Variants in CACNA1C observed in about 807,000 individuals in gnomAD.
CACNA1C encodes calcium voltage-gated channel subunit alpha1 C.
CACNA1C carries 30 observed loss-of-function variants against 229.0 expected under a neutral mutation model. That is an observed-to-expected ratio of 0.13 (90% CI 0.10 to 0.18). The LOEUF (loss-of-function observed/expected upper bound fraction) is 0.18, where lower values mean the gene tolerates loss of function less well. CACNA1C is among the 10% of genes least tolerant of loss of function. The probability of loss-of-function intolerance (pLI) is 1.00; values close to 1 mark genes in which losing one functional copy is unlikely to be tolerated. For missense variants in CACNA1C, 1,658 were observed against 2,845.0 expected, an observed-to-expected ratio of 0.58 and a Z score of 9.49; for synonymous variants, 1,114 against 1,132.5, an observed-to-expected ratio of 0.98 and a Z score of 0.33.
chr12:2,072,973 C>T (rs776202307), intron 1 of CACNA1C, among the ~76,000 whole-genome samples: 3 of 152,056 alleles, frequency 2.0e-5, no homozygotes, highest in African/African-American at 2.4e-5. Flanking sequence ...GTGATAGATA[C>T]GTTGATGAAT....
At chr12:2,230,549 CA>C (rs749054916) in intron 3 of CACNA1C, among the ~76,000 whole-genome samples, 11 of 152,222 alleles carry the variant, frequency 7.2e-5, no homozygotes, top group Non-Finnish European at 1.2e-4. Context: ...TGAGGTTACA[CA>C]GCACCCATCG....
chr12:2,276,014 C>T (rs546951565), intron 3 of CACNA1C, among the ~76,000 whole-genome samples: 1 of 152,152 alleles, frequency 6.6e-6, no homozygotes, highest in African/African-American at 2.4e-5. Flanking sequence ...TATGCACATA[C>T]TACACCATTT....
chr12:2,445,102 TC>T (rs2099265220), intron 3 of CACNA1C, among the ~76,000 whole-genome samples: 1 of 152,126 alleles, frequency 6.6e-6, no homozygotes, highest in African/African-American at 2.4e-5. Context: ...TGTCCATACT[TC>T]CCATCTTCTT....
chr12:2,593,093 C>A, intron 18 of CACNA1C, 120 bp from the exon 19 acceptor site: 4 of 1,125,598 alleles, frequency 3.6e-6, no homozygotes, highest in Non-Finnish European at 3.7e-6. Flanking sequence ...GAATGTCTGT[C>A]TTGGTTGGTA....
rs986495863 is a variant in CACNA1C at position 2,575,024 on chromosome 12, G to A, written c.1896-6566G>A. On this transcript the variant is annotated intron_variant, in intron 13 of 46. Transcript: ENST00000399655. The surrounding 1 kb of genome is among the most constrained non-coding windows in gnomAD (Gnocchi z 4.0). ...CTAGGTGACACTGAGTAGCCCCGTGGCCCAGAAGCTCAGAGAAGCATGCTG... is the reference window on the plus strand; with the variant it reads ...CTAGGTGACACTGAGTAGCCCCGTGACCCAGAAGCTCAGAGAAGCATGCTG... Among the ~76,000 whole-genome samples, 4 of 152,194 alleles carry A rather than the reference G, an allele frequency of 2.6e-5. No homozygotes were observed. The highest frequency in any genetic ancestry group is 9.7e-5 in the African/African-American group (4 of 41,440).
Position 2,678,063 on chromosome 12 carries a change from C to T in CACNA1C, c.5091+196C>T, listed in dbSNP as rs1285223321. Among the ~76,000 whole-genome samples, 2 of 152,162 alleles carry T rather than the reference C, an allele frequency of 1.3e-5. No individual in the cohort carries two copies. Among genetic ancestry groups the T allele is most frequent in the East Asian group, 3.9e-4 (2 of 5,194 alleles). ...CTGACTCCATCCCAAGGCAGGGCTC[C>T]CTGGAAACAGCAGCTCTCAGTGTCA... On this transcript the variant is annotated intron_variant, in intron 41 of 46. Transcript: ENST00000399655. This position sits in a 1 kb window ranked among gnomAD's most constrained non-coding sequence, Gnocchi z 4.1.
chr12:2,528,272 T>C (rs1054232310), intron 9 of CACNA1C, among the ~76,000 whole-genome samples: 15 of 152,200 alleles, frequency 9.9e-5, no homozygotes, highest in Non-Finnish European at 2.9e-5. Flanking sequence ...GTTAGGTCAG[T>C]AAAAGCCCCT....
At chr12:2,284,999 C>A (rs957564172) in intron 3 of CACNA1C, among the ~76,000 whole-genome samples, 1 of 152,180 alleles carries the variant, frequency 6.6e-6, no homozygotes, top group African/African-American at 2.4e-5. Context: ...CTTCAGTGAG[C>A]GGGGCCTGGG....
upstream of CACNA1C, among the ~76,000 whole-genome samples, chr12:2,049,811 C>T (rs73046444): frequency 0.047 from 7,123 of 152,260 alleles, 254 homozygotes; most frequent in Middle Eastern, 0.078. Flanking sequence ...TCGGAATTCA[C>T]AATGGTCTCC....
At chr12:2,547,646 G>A in intron 9 of CACNA1C, 2 of 678,308 alleles carry the variant, frequency 2.9e-6, no homozygotes, top group South Asian at 3.3e-5. Flanking sequence ...ATATGTGTAT[G>A]TATATATGTT....
At chr12:2,455,088 G>A (rs976921612) in intron 4 of CACNA1C, among the ~76,000 whole-genome samples, 8 of 152,244 alleles carry the variant, frequency 5.3e-5, no homozygotes, top group Admixed American at 1.3e-4. Context: ...AAGGAGCTCC[G>A]TCCTTCCAGC....
chr12:2,223,749 C>T (rs191726430), intron 3 of CACNA1C, among the ~76,000 whole-genome samples: 5 of 152,198 alleles, frequency 3.3e-5, no homozygotes, highest in East Asian at 1.9e-4. Context: ...TTGTACCCTA[C>T]GTACATTAGA....
At chr12:2,442,226 A>G (rs1371214430) in intron 3 of CACNA1C, among the ~76,000 whole-genome samples, 1 of 152,226 alleles carries the variant, frequency 6.6e-6, no homozygotes, top group Non-Finnish European at 1.5e-5. Flanking sequence ...TTGGAAAACT[A>G]GGATAGCCTG....
intron 3 of CACNA1C, among the ~76,000 whole-genome samples, chr12:2,205,244 G>T (rs2097721139): frequency 6.6e-6 from 1 of 152,212 alleles, no homozygotes; most frequent in Admixed American, 6.5e-5. Flanking sequence ...GGGAAAGCCA[G>T]TGTGTGGAGG....
intron 3 of CACNA1C, among the ~76,000 whole-genome samples, chr12:2,379,132 G>A (rs548174788): frequency 6.6e-6 from 1 of 152,242 alleles, no homozygotes; most frequent in South Asian, 2.1e-4. Flanking sequence ...GCCTCTCTTG[G>A]CAATGTCCCT....
intron 29 of CACNA1C, among the ~76,000 whole-genome samples, chr12:2,629,037 A>G (rs997345215): frequency 1.3e-5 from 2 of 152,150 alleles, no homozygotes; most frequent in African/African-American, 2.4e-5. Flanking sequence ...TGGTCCTCAC[A>G]TTAACCCTAT....
At chr12:2,056,884 G>T (rs934147291) in intron 1 of CACNA1C, among the ~76,000 whole-genome samples, 6 of 152,132 alleles carry the variant, frequency 3.9e-5, no homozygotes, top group Non-Finnish European at 8.8e-5. Context: ...TTAAGTGTGT[G>T]TGTGTATACA....
chr12:2,135,990 T>C (rs897162136), intron 3 of CACNA1C, among the ~76,000 whole-genome samples: 2 of 150,390 alleles, frequency 1.3e-5, no homozygotes, highest in Admixed American at 1.3e-4. Flanking sequence ...CCGAGCCAGG[T>C]GTGGGATATA....
chr12:2,497,050 T>G (rs2099748164), intron 7 of CACNA1C, among the ~76,000 whole-genome samples: 1 of 151,994 alleles, frequency 6.6e-6, no homozygotes, highest in South Asian at 2.1e-4. Flanking sequence ...TAGTTTCACG[T>G]TTTGTTTTTT....
Sources: allele counts gnomAD v4.1 joint callset (sites outside exome capture counted in the v4.1 genomes callset), GRCh38; gene constraint gnomAD v4.1.1; non-coding constraint Gnocchi (gnomAD v3.1); transcripts MANE v1.5; gene names NCBI Gene and HGNC (gene_info 2026-07-23, HGNC 2026-07-21).